The following C8orf34 variants were observed in gnomAD, a reference collection of about 807,000 sequenced individuals.
C8orf34 encodes chromosome 8 open reading frame 34.
Under a neutral mutation model 68.3 loss-of-function variants are expected in C8orf34, and 65 were observed. The ratio of observed to expected loss-of-function variants is 0.95; its 90% CI spans 0.78 to 1.17. The LOEUF is 1.17. Among genes scored for constraint, C8orf34 ranks in the 50% most tolerant of loss-of-function variants. C8orf34 has a pLI of 0.00. For synonymous variants in C8orf34, 244 were observed against 241.2 expected, an observed-to-expected ratio of 1.01 and a Z score of -0.11; for missense variants, 664 against 655.4, an observed-to-expected ratio of 1.01 and a Z score of -0.14.
At chr8:68,739,201 T>G (rs964987059) in intron 10 of C8orf34, among the ~76,000 whole-genome samples, 4 of 152,070 alleles carry the variant, frequency 2.6e-5, no homozygotes, top group African/African-American at 9.7e-5. Flanking sequence ...TACATGATTA[T>G]CTCAATAGAT....
At chr8:68,689,849 G>A (rs896535568) in intron 8 of C8orf34, among the ~76,000 whole-genome samples, 1 of 151,946 alleles carries the variant, frequency 6.6e-6, no homozygotes, top group Non-Finnish European at 1.5e-5. Context: ...TTGCAAATGA[G>A]AAGTGAGGTT....
intron 7 of C8orf34, among the ~76,000 whole-genome samples, chr8:68,548,992 G>A (rs1289161028): frequency 6.6e-6 from 1 of 151,762 alleles, no homozygotes; most frequent in Non-Finnish European, 1.5e-5. Flanking sequence ...GGTTAAATAA[G>A]GTTATAAGAG....
chr8:68,709,057 T>G lies in C8orf34; in HGVS notation c.1305T>G (p.Asp435Glu), dbSNP rs1440363106. Residue 435 changes from aspartate to glutamate, a missense_variant, in exon 9 of 14, where the codon GAT (aspartate) becomes GAG (glutamate). Physicochemically the swap from Asp to Glu is conservative, Grantham distance 45. Coordinates refer to ENST00000518698, the MANE Select transcript of C8orf34 (RefSeq NM_052958.4). ...CACTACCAATACTCCATTCTCCAGA[T>G]GAAAAAATCCCAGATTCATTCGGTA... The part of the protein sequence containing the change: ...EESLPILHSP[D>E]EKIPDSFDSL... 1 of 1,612,486 alleles carries G rather than the reference T, an allele frequency of 6.2e-7. No homozygotes were observed. Among genetic ancestry groups the G allele is most frequent in the Non-Finnish European group, 8.5e-7 (1 of 1,179,264 alleles).
intron 1 of C8orf34, among the ~76,000 whole-genome samples, chr8:68,383,973 A>G (rs917790808): frequency 6.6e-6 from 1 of 152,224 alleles, no homozygotes; most frequent in Non-Finnish European, 1.5e-5. Flanking sequence ...GGATTTTGGT[A>G]TAGATGCTGG....
chr8:68,804,974 C>T (rs1824441079), intron 12 of C8orf34, among the ~76,000 whole-genome samples: 2 of 152,072 alleles, frequency 1.3e-5, no homozygotes, highest in South Asian at 4.1e-4. Context: ...TGATATAGAC[C>T]ACAAACGTCA....
In C8orf34 at chr8:68,728,347, G is replaced by A. The variant is rs184427907; in HGVS notation, c.1404+6910G>A. 1.2e-4 allele frequency among the ~76,000 whole-genome samples: 18 copies of A among 152,292 alleles called. No homozygotes were observed. In the East Asian group the frequency reaches 3.3e-3, roughly 28 times the overall value. On this transcript the variant is annotated intron_variant, in intron 10 of 13. Coordinates refer to ENST00000518698, the MANE Select transcript of C8orf34 (RefSeq NM_052958.4). ...CATTTTGGGCAAAGCCATTCAACAA[G>A]TGTCTAGAAAGTTCCAAACTTTCCC...
At chr8:68,564,605 T>C (rs13279586) in intron 7 of C8orf34, among the ~76,000 whole-genome samples, 45,645 of 151,986 alleles carry the variant, frequency 0.3, 7,969 homozygotes, top group Non-Finnish European at 0.38. Context: ...ACAGCACAGA[T>C]CCGGGGTGGC....
chr8:68,652,465 A>G (rs141324720), intron 8 of C8orf34, among the ~76,000 whole-genome samples: 1 of 152,172 alleles, frequency 6.6e-6, no homozygotes, highest in Non-Finnish European at 1.5e-5. Flanking sequence ...ATGTGGTGTC[A>G]TATCTAAGAA....
chr8:68,741,267 T>A (rs915441808), intron 10 of C8orf34, among the ~76,000 whole-genome samples: 3 of 152,190 alleles, frequency 2.0e-5, no homozygotes, highest in Non-Finnish European at 1.5e-5. Context: ...TCATATTACC[T>A]TATATAATTT....
intron 12 of C8orf34, 85 bp from the exon 13 acceptor site, chr8:68,815,801 A>C (rs1029237434): frequency 1.4e-5 from 23 of 1,609,558 alleles, no homozygotes; most frequent in African/African-American, 2.7e-5. Context: ...TCTTCACTAG[A>C]AATTGGCTAA....
At position 68,331,162 on chromosome 8, in the gene C8orf34, C is replaced by T. The variant is rs1219001640; in HGVS notation, c.150C>T (p.Leu50=). 4 of 1,529,974 alleles carry T rather than the reference C, an allele frequency of 2.6e-6. No homozygotes were observed. Among genetic ancestry groups the T allele is most frequent in the Non-Finnish European group, 2.6e-6 (3 of 1,142,374 alleles). The allele number at this position is 1,529,974 out of a possible 1,614,324, so 94.8% of individuals were successfully genotyped here. The change falls in exon 1 of 14, where the codon CTC becomes CTT. Residue 50 remains leucine, a synonymous_variant. Transcript: ENST00000518698. ...GRASHAGQPR[L]RSSCPGPSPG... is the part of the protein sequence containing the mutation. ...CCAGCCACGCAGGGCAGCCGAGGCT[C>T]CGGAGCTCCTGTCCCGGCCCCAGTC... is the stretch of plus-strand genomic sequence containing the variant.
intron 8 of C8orf34, among the ~76,000 whole-genome samples, chr8:68,668,760 G>T (rs1819918187): frequency 6.6e-6 from 1 of 152,320 alleles, no homozygotes; most frequent in South Asian, 2.1e-4. Flanking sequence ...GAGGAAGGCA[G>T]AGAAGGGCTC....
At chr8:68,573,953 T>A (rs918718547) in intron 7 of C8orf34, among the ~76,000 whole-genome samples, 11 of 152,180 alleles carry the variant, frequency 7.2e-5, no homozygotes, top group African/African-American at 2.7e-4. Context: ...CATATTCTTA[T>A]CTTGCACATT....
At chr8:68,519,830 A>C (rs911821918) in intron 5 of C8orf34, among the ~76,000 whole-genome samples, 1 of 152,182 alleles carries the variant, frequency 6.6e-6, no homozygotes, top group African/African-American at 2.4e-5. Context: ...ATAGTTGGAG[A>C]AAATGAAATT....
At chr8:68,396,220 A>T (rs986333167) in intron 1 of C8orf34, among the ~76,000 whole-genome samples, 8 of 152,094 alleles carry the variant, frequency 5.3e-5, no homozygotes, top group African/African-American at 1.4e-4. Context: ...ATTGAGTTTG[A>T]CATACGATTT....
intron 12 of C8orf34, among the ~76,000 whole-genome samples, chr8:68,789,754 G>A (rs1317684099): frequency 6.6e-6 from 1 of 151,996 alleles, no homozygotes; most frequent in Admixed American, 6.6e-5. Context: ...TATCAGGACA[G>A]CTAGAAATTA....
chr8:68,362,214 T>G (rs992529569), intron 1 of C8orf34, among the ~76,000 whole-genome samples: 3 of 152,232 alleles, frequency 2.0e-5, no homozygotes, highest in African/African-American at 7.2e-5. Flanking sequence ...ATTATAAATT[T>G]GAGGTTCTTC....
chr8:68,773,157 C>T (rs888012061), intron 10 of C8orf34, among the ~76,000 whole-genome samples: 9 of 152,176 alleles, frequency 5.9e-5, no homozygotes, highest in Non-Finnish European at 8.8e-5. Context: ...ATTTCATTAG[C>T]GATCCCAGTG....
chr8:68,490,817 A>T (rs577457863), intron 5 of C8orf34, among the ~76,000 whole-genome samples: 1 of 152,086 alleles, frequency 6.6e-6, no homozygotes, highest in Non-Finnish European at 1.5e-5. Context: ...TCTGGCAGTC[A>T]CCCTTGGAGG....
Sources: gnomAD v4.1 joint callset for allele counts (sites outside exome capture counted in the v4.1 genomes callset) on GRCh38, gnomAD v4.1.1 for gene constraint, MANE v1.5 for transcripts, NCBI Gene and HGNC (gene_info 2026-07-23, HGNC 2026-07-21) for gene names.